The following DLG2 variants were observed in gnomAD, a reference collection of about 807,000 sequenced individuals.
The protein encoded by DLG2 is discs large MAGUK scaffold protein 2, also known as disks large homolog 2.
Under a neutral mutation model 132.5 loss-of-function variants are expected in DLG2, and 45 were observed. The ratio of observed to expected loss-of-function variants is 0.34; its 90% CI spans 0.27 to 0.44. The LOEUF (loss-of-function observed/expected upper bound fraction) is 0.44. DLG2 is among the 20% of genes least tolerant of loss of function. DLG2 has a pLI of 1.00. For missense variants in DLG2, 1,045 were observed against 1,196.9 expected (o/e 0.87, Z 1.87); for synonymous variants, 424 against 419.6 (o/e 1.01, Z -0.13).
At chr11:85,035,229 G>A (rs1384891239) in intron 6 of DLG2, among the ~76,000 whole-genome samples, 1 of 152,194 alleles carries the variant, frequency 6.6e-6, no homozygotes, top group African/African-American at 2.4e-5. Flanking sequence ...AATGTGTTCA[G>A]ATTGAAACAG....
chr11:83,906,053 GTCTCTCTCTC>G (rs57799505), intron 15 of DLG2, among the ~76,000 whole-genome samples: 1,382 of 128,804 alleles, frequency 0.011, 17 homozygotes, highest in East Asian at 0.021. Context: ...CTGTCTGTCT[GTCTCTCTCTC>G]TCTCTCTCTC....
intron 3 of DLG2, among the ~76,000 whole-genome samples, chr11:85,445,282 T>A (rs1172882918): frequency 6.6e-6 from 1 of 152,164 alleles, no homozygotes; most frequent in African/African-American, 2.4e-5. Flanking sequence ...ACTCCAGACA[T>A]GTTTTTGAGA....
At chr11:85,021,931 G>C (rs914501101) in intron 6 of DLG2, among the ~76,000 whole-genome samples, 4 of 152,008 alleles carry the variant, frequency 2.6e-5, no homozygotes, top group African/African-American at 9.7e-5. Context: ...ATATTAAAAT[G>C]CAAAACTCAT....
chr11:83,854,822 A>G (rs1188849918), intron 16 of DLG2, among the ~76,000 whole-genome samples: 3 of 152,132 alleles, frequency 2.0e-5, no homozygotes, highest in Non-Finnish European at 4.4e-5. Flanking sequence ...TTATTTTATT[A>G]AAATAAAAAC....
intron 6 of DLG2, among the ~76,000 whole-genome samples, chr11:84,940,431 G>A (rs560336185): frequency 6.6e-6 from 1 of 152,294 alleles, no homozygotes; most frequent in East Asian, 1.9e-4. Flanking sequence ...GGGATTACAG[G>A]CATGAGCCAT....
intron 7 of DLG2, among the ~76,000 whole-genome samples, chr11:84,265,952 A>T (rs1193099051): frequency 6.6e-6 from 1 of 152,028 alleles, no homozygotes; most frequent in Non-Finnish European, 1.5e-5. Flanking sequence ...GCCATTATTA[A>T]CTCTGAACAG....
intron 21 of DLG2, among the ~76,000 whole-genome samples, chr11:83,512,737 G>C (rs1258386140): frequency 4.6e-5 from 7 of 151,330 alleles, no homozygotes. Context: ...CTGTGTCCAT[G>C]TTTTCTCATT....
At chr11:84,790,830 C>T (rs1420887532) in intron 6 of DLG2, among the ~76,000 whole-genome samples, 2 of 152,186 alleles carry the variant, frequency 1.3e-5, no homozygotes, top group Non-Finnish European at 2.9e-5. Flanking sequence ...TGGCACCATT[C>T]ATTGAAAAGA....
intron 6 of DLG2, among the ~76,000 whole-genome samples, chr11:85,067,724 C>T (rs900823950): frequency 3.3e-5 from 5 of 151,756 alleles, no homozygotes; most frequent in African/African-American, 1.2e-4. Context: ...GGAGCTGGTA[C>T]AAGGAGGAGG....
At chr11:83,868,074 C>T (rs112756366) in intron 16 of DLG2, among the ~76,000 whole-genome samples, 4 of 152,096 alleles carry the variant, frequency 2.6e-5, no homozygotes, top group African/African-American at 4.8e-5. Flanking sequence ...AAAGGAAGCA[C>T]GTGATGCTGA....
intron 10 of DLG2, among the ~76,000 whole-genome samples, chr11:84,083,704 C>A (rs2096934824): frequency 6.6e-6 from 1 of 152,200 alleles, no homozygotes; most frequent in South Asian, 2.1e-4. Context: ...TGGCCTTTGT[C>A]AGATGCTGGT....
At chr11:84,025,442 C>G (rs1453090010) in intron 11 of DLG2, among the ~76,000 whole-genome samples, 3 of 152,104 alleles carry the variant, frequency 2.0e-5, no homozygotes, top group African/African-American at 7.2e-5. Context: ...AAGATGAGAT[C>G]TGGATGGGGA....
At chr11:84,563,494 C>G (rs2099436172) in intron 6 of DLG2, among the ~76,000 whole-genome samples, 1 of 152,042 alleles carries the variant, frequency 6.6e-6, no homozygotes. Context: ...TTTTTCAGAA[C>G]CTGGCATTTT....
At chr11:83,471,290 G>T (rs1299431370) in intron 24 of DLG2, among the ~76,000 whole-genome samples, 2 of 152,022 alleles carry the variant, frequency 1.3e-5, no homozygotes, top group Non-Finnish European at 2.9e-5. Context: ...TAATGTTTCA[G>T]TGGCATTTTG....
intron 4 of DLG2, among the ~76,000 whole-genome samples, chr11:85,240,363 A>C (rs2075815698): frequency 6.6e-6 from 1 of 151,816 alleles, no homozygotes; most frequent in Admixed American, 6.6e-5. Context: ...GTAGACATCT[A>C]ATTGTTTGTA....
intron 9 of DLG2, among the ~76,000 whole-genome samples, chr11:84,146,508 A>G (rs978718743): frequency 6.6e-6 from 1 of 152,158 alleles, no homozygotes; most frequent in Admixed American, 6.5e-5. Context: ...TAAAAATTAG[A>G]AAAGAATTTA....
intron 18 of DLG2, among the ~76,000 whole-genome samples, chr11:83,680,260 T>C (rs1362458037): frequency 6.6e-6 from 1 of 152,184 alleles, no homozygotes; most frequent in Non-Finnish European, 1.5e-5. Flanking sequence ...AAAACCCAGA[T>C]ACTGCTGTAA....
At chr11:85,068,230 A>C (rs978167823) in intron 6 of DLG2, among the ~76,000 whole-genome samples, 5 of 152,122 alleles carry the variant, frequency 3.3e-5, no homozygotes, top group African/African-American at 1.2e-4. Context: ...ATTCCCTTTG[A>C]AAACTGGCAC....
intron 10 of DLG2, among the ~76,000 whole-genome samples, chr11:84,091,388 C>T (rs1025219219): frequency 4.5e-4 from 69 of 152,324 alleles, no homozygotes; most frequent in African/African-American, 1.6e-3. Context: ...TCCATCTCTG[C>T]TGTCCCTCCA....
Sources: gnomAD v4.1 joint callset for allele counts (sites outside exome capture counted in the v4.1 genomes callset) on GRCh38, gnomAD v4.1.1 for gene constraint, MANE v1.5 for transcripts, NCBI Gene and HGNC (gene_info 2026-07-23, HGNC 2026-07-21) for gene names.